The following RBFOX1 variants were observed in gnomAD, a reference collection of about 807,000 sequenced individuals.
RBFOX1 encodes the protein RNA binding protein fox-1 homolog 1.
A neutral mutation model predicts 57.7 loss-of-function variants in RBFOX1; 8 were observed. The ratio of observed to expected loss-of-function variants is 0.14; its 90% confidence interval spans 0.08 to 0.25. The LOEUF (loss-of-function observed/expected upper bound fraction) is 0.25, where lower values mean the gene tolerates loss of function less well. RBFOX1 is among the 10% of genes least tolerant of loss of function. RBFOX1 has a pLI of 1.00. For missense variants in RBFOX1, 611 were observed against 548.5 expected, an observed-to-expected ratio of 1.11 and a Z score of -1.14; for synonymous variants, 326 against 222.4, an observed-to-expected ratio of 1.47 and a Z score of -4.15.
At chr16:6,898,608 A>C (rs7188688) in intron 3 of RBFOX1, among the ~76,000 whole-genome samples, 2,573 of 152,238 alleles carry the variant, frequency 0.017, 67 homozygotes, top group African/African-American at 0.059. Context: ...ACATAAAAGG[A>C]AGTAGGTTAT....
intron 2 of RBFOX1, among the ~76,000 whole-genome samples, chr16:6,600,005 C>T (rs950377800): frequency 3.3e-5 from 5 of 152,124 alleles, no homozygotes; most frequent in African/African-American, 1.2e-4. Context: ...CCATCTTCTT[C>T]CCAAAGCCCA....
rs1422898725 is a variant in RBFOX1, at chr16:7,029,234, ACG to A, written c.-15-22822_-15-22821del. Among the ~76,000 whole-genome samples, 86 of 71,298 alleles carry A rather than the reference ACG, an allele frequency of 1.2e-3. 15 individuals are homozygous for A. The highest frequency in any genetic ancestry group is 6.3e-3 in the African/African-American group (83 of 13,080). 46.8% of individuals were successfully genotyped at this position (71,298 alleles called of 152,430 possible). ...CGTATATATATACACACATATATAT[ACG>A]TATACGTATATATATACACACATAT... On this transcript the variant is annotated intron_variant, in intron 3 of 15. Coordinates refer to ENST00000550418, the MANE Select transcript of RBFOX1 (RefSeq NM_018723.4).
chr16:7,418,469 A>T (rs1166863664), intron 4 of RBFOX1, among the ~76,000 whole-genome samples: 1 of 152,172 alleles, frequency 6.6e-6, no homozygotes, highest in African/African-American at 2.4e-5. Flanking sequence ...GGCATCTGAG[A>T]TGGAGATTAC....
chr16:5,911,926 A>G (rs1469671172), intron 4 of RBFOX1, among the ~76,000 whole-genome samples: 2 of 152,158 alleles, frequency 1.3e-5, no homozygotes, highest in Non-Finnish European at 2.9e-5. Flanking sequence ...ATTTCAGTAT[A>G]TGAATTTTGA....
At chr16:6,587,869 C>G (rs2097652474) in intron 2 of RBFOX1, among the ~76,000 whole-genome samples, 1 of 152,146 alleles carries the variant, frequency 6.6e-6, no homozygotes, top group African/African-American at 2.4e-5. Context: ...ATATATTGGA[C>G]AATTTGAAAA....
chr16:7,410,547 G>A (rs1055807978), intron 4 of RBFOX1, among the ~76,000 whole-genome samples: 6 of 152,162 alleles, frequency 3.9e-5, no homozygotes, highest in Admixed American at 1.3e-4. Flanking sequence ...TGGGAGTGGT[G>A]GTGCGTGCCT....
At chr16:6,922,349 C>G (rs781230601) in intron 3 of RBFOX1, among the ~76,000 whole-genome samples, 1 of 152,172 alleles carries the variant, frequency 6.6e-6, no homozygotes, top group Admixed American at 6.5e-5. Context: ...GTTTCGCATG[C>G]TGCAGCCCCT....
chr16:7,530,333 C>T (rs1296526163), intron 5 of RBFOX1, among the ~76,000 whole-genome samples: 3 of 152,018 alleles, frequency 2.0e-5, no homozygotes, highest in African/African-American at 7.3e-5. Context: ...ATACACATAC[C>T]CGGGGTTATC....
intron 1 of RBFOX1, among the ~76,000 whole-genome samples, chr16:6,056,156 C>T (rs2095611818): frequency 1.3e-5 from 2 of 152,206 alleles, no homozygotes; most frequent in South Asian, 4.1e-4. Flanking sequence ...ATTTTTGTGT[C>T]AGCTCCCCAA....
chr16:7,196,924 G>C lies in RBFOX1; in HGVS notation c.27+144826G>C, dbSNP rs143290751. 8.3e-4 allele frequency among the ~76,000 whole-genome samples: 126 copies of C among 152,300 alleles called. 3 individuals carry two copies. In the East Asian group the frequency reaches 0.024, roughly 29 times the overall value. ...AAATATAATTAGAGTGGTGTGCAGA[G>C]GGGAAGTTGGGTTATCTGAAATATA... On this transcript the variant is annotated intron_variant, in intron 4 of 15. Transcript: ENST00000550418.
chr16:6,690,401 C>A (rs1448159684), intron 3 of RBFOX1, among the ~76,000 whole-genome samples: 2 of 151,686 alleles, frequency 1.3e-5, no homozygotes, highest in Non-Finnish European at 2.9e-5. Context: ...ATATAAAGGG[C>A]CATCACACTT....
intron 4 of RBFOX1, among the ~76,000 whole-genome samples, chr16:7,107,794 CAT>C (rs1306909094): frequency 1.3e-5 from 2 of 151,980 alleles, no homozygotes; most frequent in Non-Finnish European, 2.9e-5. Context: ...ATCTTTTTTC[CAT>C]ATGTCTTTTT....
intron 3 of RBFOX1, among the ~76,000 whole-genome samples, chr16:6,709,940 C>G (rs930316617): frequency 2.4e-4 from 37 of 152,144 alleles, no homozygotes; most frequent in African/African-American, 8.7e-4. Flanking sequence ...AGGTGAATCA[C>G]TTGGCAATTT....
chr16:6,329,132 G>C (rs2082709632), intron 2 of RBFOX1, among the ~76,000 whole-genome samples: 1 of 152,144 alleles, frequency 6.6e-6, no homozygotes, highest in African/African-American at 2.4e-5. Flanking sequence ...AGTGATCATG[G>C]ATGGAAGTTA....
At chr16:5,905,480 G>A (rs1326589457) in intron 4 of RBFOX1, among the ~76,000 whole-genome samples, 1 of 152,276 alleles carries the variant, frequency 6.6e-6, no homozygotes, top group East Asian at 1.9e-4. Flanking sequence ...GGGAGGCTGA[G>A]GTGGACAGAT....
At chr16:5,365,783 A>G (rs2065695905) in intron 1 of RBFOX1, 2 of 505,880 alleles carry the variant, frequency 4.0e-6, no homozygotes, top group Non-Finnish European at 3.9e-6. Flanking sequence ...ACCTAAGTGC[A>G]TGCTGCCACC....
intron 1 of RBFOX1, among the ~76,000 whole-genome samples, chr16:6,253,699 G>GTATATATA (rs373756943): frequency 2.0e-4 from 29 of 142,486 alleles, no homozygotes; most frequent in African/African-American, 3.8e-4. Flanking sequence ...GTGTGTGTGT[G>GTATATATA]TATATATATA....
intron 3 of RBFOX1, among the ~76,000 whole-genome samples, chr16:6,795,757 CTCCA>C (rs1351896385): frequency 6.8e-6 from 1 of 147,334 alleles, no homozygotes; most frequent in Non-Finnish European, 1.5e-5. Context: ...CAGAGTGAAA[CTCCA>C]TCTAAAAATA....
chr16:7,012,257 C>T (rs952333203), intron 3 of RBFOX1, among the ~76,000 whole-genome samples: 7 of 152,134 alleles, frequency 4.6e-5, no homozygotes, highest in Admixed American at 4.6e-4. Context: ...AAGAAATTTT[C>T]CCAGTTTTAA....
Sources: allele counts gnomAD v4.1 joint callset (sites outside exome capture counted in the v4.1 genomes callset), GRCh38; gene constraint gnomAD v4.1.1; transcripts MANE v1.5; gene names NCBI Gene and HGNC (gene_info 2026-07-23, HGNC 2026-07-21).